The following RBMS1 variants were observed in gnomAD, a reference collection of about 807,000 sequenced individuals.
The protein encoded by RBMS1 is RNA-binding motif, single-stranded-interacting protein 1.
A neutral mutation model predicts 62.3 loss-of-function variants in RBMS1; 17 were observed. The ratio of observed to expected loss-of-function variants is 0.27; its 90% CI spans 0.19 to 0.41. The LOEUF is 0.41. Ranked by LOEUF, RBMS1 falls within the 10% of genes least tolerant of loss-of-function variation. The probability of loss-of-function intolerance (pLI) is 1.00; values close to 1 mark genes in which losing one functional copy is unlikely to be tolerated. For synonymous variants in RBMS1, 172 were observed against 170.0 expected (o/e 1.01, Z -0.09); for missense variants, 334 against 504.5 (o/e 0.66, Z 3.24).
At chr2:160,305,135 AGG>A (rs1689432216) in intron 4 of RBMS1, among the ~76,000 whole-genome samples, 1 of 152,194 alleles carries the variant, frequency 6.6e-6, no homozygotes, top group Non-Finnish European at 1.5e-5. Flanking sequence ...TTAAAGGTGT[AGG>A]CCACTGTGCC....
At chr2:160,428,144 G>C (rs1026411116) in intron 1 of RBMS1, among the ~76,000 whole-genome samples, 1 of 151,634 alleles carries the variant, frequency 6.6e-6, no homozygotes. Flanking sequence ...ACAGTGGCTT[G>C]GTTTTTGTTT....
intron 1 of RBMS1, among the ~76,000 whole-genome samples, chr2:160,441,998 TTGTC>T (rs1683429459): frequency 6.6e-6 from 1 of 152,194 alleles, no homozygotes; most frequent in African/African-American, 2.4e-5. Flanking sequence ...ATTGGATTGT[TTGTC>T]TTTTTATGGT....
intron 1 of RBMS1, among the ~76,000 whole-genome samples, chr2:160,461,184 G>A (rs924124725): frequency 6.6e-6 from 1 of 152,068 alleles, no homozygotes; most frequent in Non-Finnish European, 1.5e-5. Context: ...AGGAGTTCAA[G>A]GCTGCAGTGA....
At chr2:160,385,699 T>C (rs550299753) in intron 1 of RBMS1, among the ~76,000 whole-genome samples, 15 of 152,326 alleles carry the variant, frequency 9.8e-5, no homozygotes, top group Admixed American at 2.6e-4. Flanking sequence ...GATGCCCACG[T>C]GTTCTGTTCG....
chr2:160,447,869 G>A (rs1216766445), intron 1 of RBMS1, among the ~76,000 whole-genome samples: 1 of 152,178 alleles, frequency 6.6e-6, no homozygotes, highest in Non-Finnish European at 1.5e-5. Flanking sequence ...ATAACCATGG[G>A]GAAGATGCAG....
Position 160,278,571 on chromosome 2 carries a change from G to C in RBMS1, c.1039C>G (p.Leu347Val). Reference protein sequence around the residue: ...ISPLAQQMSHLSLGSTGTYMP... With the variant: ...ISPLAQQMSHVSLGSTGTYMP... ...ACTGTTCCGGTGCTGCCTAGTGACAGATGACTCATCTGCTGGGCCAGAGGG... is the reference window on the plus strand; with the variant it reads ...ACTGTTCCGGTGCTGCCTAGTGACACATGACTCATCTGCTGGGCCAGAGGG... Residue 347 changes from leucine (L) to valine (V), a missense_variant, in exon 11 of 14, where the codon CTG (leucine) becomes GTG (valine). Leu to Val is a conservative substitution (Grantham distance 32). Transcript: ENST00000348849. 6.2e-7 allele frequency: 1 copy of C among 1,613,336 alleles called. No individual in the cohort carries two copies. Among genetic ancestry groups the C allele is most frequent in the South Asian group, 1.1e-5 (1 of 91,040 alleles).
chr2:160,384,599 C>A (rs1325609111), intron 1 of RBMS1, among the ~76,000 whole-genome samples: 1 of 152,220 alleles, frequency 6.6e-6, no homozygotes, highest in East Asian at 1.9e-4. Context: ...TGGTCACTCA[C>A]TAACTAGGTG....
At chr2:160,282,159 C>A in intron 9 of RBMS1, 2 of 1,139,702 alleles carry the variant, frequency 1.8e-6, no homozygotes, top group Non-Finnish European at 2.4e-6. Flanking sequence ...TTCTTAACAA[C>A]AAAACCCTCC....
At chr2:160,483,979 T>C (rs1400555855) in intron 1 of RBMS1, among the ~76,000 whole-genome samples, 1 of 150,376 alleles carries the variant, frequency 6.6e-6, no homozygotes, top group Non-Finnish European at 1.5e-5. Flanking sequence ...GTTCAGTATT[T>C]GTCTTCCTTC....
chr2:160,417,153 G>A (rs550576037), intron 1 of RBMS1, among the ~76,000 whole-genome samples: 12 of 152,006 alleles, frequency 7.9e-5, no homozygotes, highest in Admixed American at 5.9e-4. Context: ...ACACACACAC[G>A]CATGCACACA....
At chr2:160,298,795 G>A (rs1171383342) in intron 6 of RBMS1, among the ~76,000 whole-genome samples, 1 of 152,170 alleles carries the variant, frequency 6.6e-6, no homozygotes. Flanking sequence ...CAAAGTTAAA[G>A]TAAGATCATG....
intron 13 of RBMS1, among the ~76,000 whole-genome samples, chr2:160,275,161 T>G (rs528504540): frequency 1.2e-4 from 19 of 152,196 alleles, no homozygotes; most frequent in Non-Finnish European, 2.5e-4. Flanking sequence ...GTTTTGAAAT[T>G]TGTGGTTCAA....
At chr2:160,378,418 G>T (rs986179349) in intron 1 of RBMS1, among the ~76,000 whole-genome samples, 1 of 152,076 alleles carries the variant, frequency 6.6e-6, no homozygotes, top group East Asian at 1.9e-4. Flanking sequence ...TTCAAGATCA[G>T]CCTGGGCAAC....
intron 1 of RBMS1, among the ~76,000 whole-genome samples, chr2:160,383,745 C>A (rs1694415593): frequency 6.6e-6 from 1 of 152,100 alleles, no homozygotes; most frequent in Non-Finnish European, 1.5e-5. Flanking sequence ...AGAGCACATA[C>A]AGAGAATTAT....
At chr2:160,377,423 A>C (rs552722130) in intron 1 of RBMS1, among the ~76,000 whole-genome samples, 1 of 152,268 alleles carries the variant, frequency 6.6e-6, no homozygotes, top group East Asian at 1.9e-4. Context: ...TGACTCAGCC[A>C]TTTGGGGTGG....
chr2:160,275,844 T>C (rs953341642), intron 12 of RBMS1, 130 bp from the exon 13 acceptor site: 10 of 1,311,540 alleles, frequency 7.6e-6, no homozygotes, highest in South Asian at 1.4e-5. Flanking sequence ...TCACGTCATG[T>C]AGAGCTTTCA....
intron 1 of RBMS1, among the ~76,000 whole-genome samples, chr2:160,461,833 G>A (rs756207011): frequency 3.9e-5 from 6 of 152,204 alleles, no homozygotes; most frequent in South Asian, 2.1e-4. Flanking sequence ...AGAGAGTTTC[G>A]TTGCCCTTGG....
At chr2:160,379,022 C>T (rs1694144341) in intron 1 of RBMS1, among the ~76,000 whole-genome samples, 1 of 152,128 alleles carries the variant, frequency 6.6e-6, no homozygotes, top group Non-Finnish European at 1.5e-5. Flanking sequence ...GAGTTCAAAA[C>T]CAGCATGGGC....
chr2:160,448,499 T>C (rs1453340943), intron 1 of RBMS1, among the ~76,000 whole-genome samples: 2 of 152,254 alleles, frequency 1.3e-5, no homozygotes, highest in Non-Finnish European at 2.9e-5. Context: ...TTTCCCCGTG[T>C]TGGCCGGGCT....
Sources: allele counts gnomAD v4.1 joint callset (sites outside exome capture counted in the v4.1 genomes callset), GRCh38; gene constraint gnomAD v4.1.1; transcripts MANE v1.5; gene names NCBI Gene and HGNC (gene_info 2026-07-23, HGNC 2026-07-21).